The following PSAPL1 variants were observed in gnomAD, a reference collection of about 807,000 sequenced individuals.
PSAPL1 encodes proactivator polypeptide-like 1.
For synonymous variants in PSAPL1, 351 were observed against 291.6 expected (o/e 1.20, Z -2.08); for missense variants, 814 against 688.8 (o/e 1.18, Z -2.03).
At position 7,433,990 on chromosome 4, in the gene PSAPL1, C is replaced by G; in HGVS notation, c.890G>C (p.Cys297Ser). The G allele has an allele frequency of 6.2e-7, 1 of 1,613,736 alleles. No individual in the cohort carries two copies. Among genetic ancestry groups the G allele is most frequent in the Non-Finnish European group, 8.5e-7 (1 of 1,179,806 alleles). ...GTCCAGCTTCTGCACCACGTTCATG[C>G]ACACCTCACAGGTCACACCGGCCTT... is the stretch of plus-strand genomic sequence containing the variant. ...QMKAGVTCEVCMNVVQKLDHW... is the reference protein window; with the variant it reads ...QMKAGVTCEVSMNVVQKLDHW... Residue 297 changes from cysteine (C) to serine (S), a missense_variant, in exon 1 of 1, where the codon TGC (cysteine) becomes TCC (serine). Transcript: ENST00000319098.
At position 7,433,886 on chromosome 4, in the gene PSAPL1, T is replaced by C. The variant is rs1206694606; in HGVS notation, c.994A>G (p.Ile332Val). 1 of 1,613,736 alleles carries C rather than the reference T, an allele frequency of 6.2e-7. No homozygotes were observed. Among genetic ancestry groups the C allele is most frequent in the East Asian group, 2.2e-5 (1 of 44,890 alleles). The stretch of plus-strand genomic sequence containing the variant: ...ACCAAGATGATGCACTCCTTCGTGA[T>C]AGAGGCAGGCATTACCGAGCACACG... ...ERVCSVMPAS[I>V]TKECIILVDT... Residue 332 changes from isoleucine to valine, a missense_variant, in exon 1 of 1, where the codon ATC becomes GTC. Ile to Val is a conservative substitution (Grantham distance 29). Coordinates refer to ENST00000319098, the MANE Select transcript of PSAPL1 (RefSeq NM_001085382.2).
chr4:7,434,912 C>A lies in PSAPL1; in HGVS notation c.-33G>T. 6.7e-7 allele frequency: 1 copy of A among 1,499,936 alleles called. No individual in the cohort carries two copies. The highest frequency in any genetic ancestry group is 2.4e-5 in the Admixed American group (1 of 41,982). 92.9% of individuals were successfully genotyped at this position (1,499,936 alleles called of 1,614,324 possible). On this transcript the variant is annotated 5_prime_UTR_variant, in exon 1 of 1. Transcript: ENST00000319098. ...AGGGACTCTCTGGCTCCAGAGTACC[C>A]AGCAGTGGCTGCTGCTATAAACCTG...
rs1057251961 is a variant in PSAPL1 at position 7,433,488 on chromosome 4, C to A, written c.1392G>T (p.Lys464Asn). 6.3e-7 allele frequency: 1 copy of A among 1,592,366 alleles called. No homozygotes were observed. The highest frequency in any genetic ancestry group is 1.3e-5 in the African/African-American group (1 of 74,526). Residue 464 changes from lysine (K) to asparagine (N), a missense_variant, in exon 1 of 1, where the codon AAG (lysine) becomes AAT (asparagine). Lys to Asn is a moderately conservative substitution (Grantham distance 94, BLOSUM62 0). Transcript: ENST00000319098. ...KDMMDPVAVC[K>N]KVGACHGPRT... is the part of the protein sequence containing the mutation. ...TGGGGCCGTGGCAGGCCCCCACCTT[C>A]TTGCACACAGCCACGGGGTCCATCA...
chr4:7,433,914 C>G lies in PSAPL1; in HGVS notation c.966G>C (p.Glu322Asp). Residue 322 changes from glutamate (E) to aspartate (D), a missense_variant, in exon 1 of 1, where the codon GAG (glutamate) becomes GAC (aspartate). Physicochemically the swap from Glu to Asp is conservative, Grantham distance 45 (BLOSUM62 2). Transcript: ENST00000319098. ...SSELMITHAL[E>D]RVCSVMPASI... ...AGGCAGGCATTACCGAGCACACGCG[C>G]TCCAGGGCATGGGTGATCATGAGCT... The G allele has an allele frequency of 6.2e-7, 1 of 1,613,882 alleles. No individual in the cohort carries two copies. Among genetic ancestry groups the G allele is most frequent in the Non-Finnish European group, 8.5e-7 (1 of 1,179,898 alleles).
rs764001954 is a variant in PSAPL1 at position 7,434,685 on chromosome 4, G to A, written c.195C>T (p.Asp65=). 5.1e-5 allele frequency: 82 copies of A among 1,612,736 alleles called. No individual in the cohort carries two copies. The highest frequency in any genetic ancestry group is 8.4e-5 in the Admixed American group (5 of 59,866). Residue 65 remains aspartate (D), a synonymous_variant, in exon 1 of 1, where the codon GAC becomes GAT. Transcript: ENST00000319098. ...CGGCGGCTGCTATGTCCTGGCATAC[G>A]TCGCAGGGCAGAGACTTCGCGGTGG... The part of the protein sequence containing the change: ...NKPTAKSLPC[D]VCQDIAAAAG...
chr4:7,433,425 G>A lies in PSAPL1; in HGVS notation c.1455C>T (p.Gly485=), dbSNP rs368073106. Residue 485 remains glycine (G), a synonymous_variant, in exon 1 of 1, where the codon GGC becomes GGT. Transcript: ENST00000319098. Reference sequence around the variant, plus strand: ...CCTGGCTCCTGCACCAGAAGCTTGGGCCCAGGGCACACTGGTCGGTGCCCA... The same window carrying A: ...CCTGGCTCCTGCACCAGAAGCTTGGACCCAGGGCACACTGGTCGGTGCCCA... The part of the protein sequence containing the change: ...PLLGTDQCAL[G]PSFWCRSQEA... 22 of 1,520,578 alleles carry A rather than the reference G, an allele frequency of 1.4e-5. No homozygotes were observed. The highest frequency in any genetic ancestry group is 1.8e-5 in the Non-Finnish European group (20 of 1,136,236). 94.2% of individuals were successfully genotyped at this position (1,520,578 alleles called of 1,614,324 possible).
chr4:7,431,922 A>G lies in PSAPL1; in HGVS notation c.*1392T>C, dbSNP rs1019295166. On this transcript the variant is annotated 3_prime_UTR_variant, in exon 1 of 1. Transcript: ENST00000319098. ...TCTTACTCAAGAGGAGAATTAATCCATGGGCCTCAGGTGAAATACCAGCTT... is the reference window on the plus strand; with the variant it reads ...TCTTACTCAAGAGGAGAATTAATCCGTGGGCCTCAGGTGAAATACCAGCTT... The G allele has an allele frequency of 6.6e-6, 1 of 152,196 alleles. No individual in the cohort carries two copies. The highest frequency in any genetic ancestry group is 2.4e-5 in the African/African-American group (1 of 41,424). The allele number at this position is 152,196 out of a possible 1,614,324, so 9.4% of individuals were successfully genotyped here. A position where few individuals can be genotyped will look rare whatever the true frequency, so the allele number is the denominator to read the frequency against.
Position 7,434,375 on chromosome 4 carries a change from C to G in PSAPL1, c.505G>C (p.Gly169Arg). The G allele has an allele frequency of 2.5e-6, 4 of 1,607,622 alleles. No homozygotes were observed. The highest frequency in any genetic ancestry group is 3.4e-6 in the Non-Finnish European group (4 of 1,177,514). The change falls in exon 1 of 1, where the codon GGG (glycine) becomes CGG (arginine). Residue 169 changes from glycine to arginine, a missense_variant. Physicochemically the swap from Gly to Arg is moderately radical, Grantham distance 125. Transcript: ENST00000319098. ...FEAVAPFMAN[G>R]PLTFHPRQAP... ...TGGCGGGGGTGGAAGGTAAGGGGCC[C>G]ATTGGCCATGAACGGAGCCACAGCC...
chr4:7,434,797 T>C lies in PSAPL1; in HGVS notation c.83A>G (p.Lys28Arg). The C allele has an allele frequency of 3.1e-6, 5 of 1,610,264 alleles. No homozygotes were observed. The South Asian group carries it at 4.4e-5, about 14-fold the overall frequency. Residue 28 changes from lysine (K) to arginine (R), a missense_variant, in exon 1 of 1, where the codon AAG (lysine) becomes AGG (arginine). Lys to Arg is a conservative substitution (Grantham distance 26). Coordinates refer to ENST00000319098, the MANE Select transcript of PSAPL1 (RefSeq NM_001085382.2). ...SPTSGPQECA[K>R]GSTVWCQDLQ... is the part of the protein sequence containing the mutation. ...ATCCTGACACCACACCGTGGAGCCC[T>C]TTGCACACTCCTGGGGGCCTGAGGT...
Position 7,434,020 on chromosome 4 carries a change from T to C in PSAPL1, c.860A>G (p.Gln287Arg). ...LGLPRKQSEM[Q>R]MKAGVTCEVC... ...CTCACAGGTCACACCGGCCTTCATC[T>C]GCATCTCGCTCTGTTTCCTTGGCAA... The change falls in exon 1 of 1, where the codon CAG becomes CGG. Residue 287 changes from glutamine (Q) to arginine (R), a missense_variant. Transcript: ENST00000319098. The C allele has an allele frequency of 6.2e-7, 1 of 1,612,150 alleles. No individual in the cohort carries two copies. Among genetic ancestry groups the C allele is most frequent in the Non-Finnish European group, 8.5e-7 (1 of 1,178,522 alleles).
chr4:7,433,391 T>G lies in PSAPL1; in HGVS notation c.1489A>C (p.Lys497Gln). 1 of 1,498,232 alleles carries G rather than the reference T, an allele frequency of 6.7e-7. No individual in the cohort carries two copies. The highest frequency in any genetic ancestry group is 8.9e-7 in the Non-Finnish European group (1 of 1,124,546). 92.8% of individuals were successfully genotyped at this position (1,498,232 alleles called of 1,614,324 possible). Reference protein sequence around the residue: ...SFWCRSQEAAKLCNAVQHCQK... With the variant: ...SFWCRSQEAAQLCNAVQHCQK... ...CAGTGTTGCACAGCGTTGCACAGCT[T>G]GGCGGCCTCCTGGCTCCTGCACCAG... is the stretch of plus-strand genomic sequence containing the variant. The change falls in exon 1 of 1, where the codon AAG becomes CAG. Residue 497 changes from lysine to glutamine, a missense_variant. Physicochemically the swap from Lys to Gln is moderately conservative, Grantham distance 53. Coordinates refer to ENST00000319098, the MANE Select transcript of PSAPL1 (RefSeq NM_001085382.2).
Position 7,434,894 on chromosome 4 carries a change from C to T in PSAPL1, c.-15G>A. On this transcript the variant is annotated 5_prime_UTR_variant, in exon 1 of 1. Transcript: ENST00000319098. Reference sequence around the variant, plus strand: ...GCACACAGCATGCTGCCCAGGGACTCTCTGGCTCCAGAGTACCCAGCAGTG... The same window carrying T: ...GCACACAGCATGCTGCCCAGGGACTTTCTGGCTCCAGAGTACCCAGCAGTG... 6.5e-7 allele frequency: 1 copy of T among 1,535,004 alleles called. No individual in the cohort carries two copies. The highest frequency in any genetic ancestry group is 8.8e-7 in the Non-Finnish European group (1 of 1,141,150).
Position 7,433,912 on chromosome 4 carries a change from C to T in PSAPL1, c.968G>A (p.Arg323His), listed in dbSNP as rs374603425. ...SELMITHALERVCSVMPASIT... is the reference protein window; with the variant it reads ...SELMITHALEHVCSVMPASIT... ...AGAGGCAGGCATTACCGAGCACACG[C>T]GCTCCAGGGCATGGGTGATCATGAG... is the stretch of plus-strand genomic sequence containing the variant. Residue 323 changes from arginine to histidine, a missense_variant, in exon 1 of 1, where the codon CGC (arginine) becomes CAC (histidine). Coordinates refer to ENST00000319098, the MANE Select transcript of PSAPL1 (RefSeq NM_001085382.2). The T allele has an allele frequency of 1.4e-5, 23 of 1,613,716 alleles. No homozygotes were observed. The highest frequency in any genetic ancestry group is 1.1e-4 in the African/African-American group (8 of 74,924).
Position 7,432,686 on chromosome 4 carries a change from G to T in PSAPL1, c.*628C>A, listed in dbSNP as rs557121211. 294 of 143,510 alleles carry T rather than the reference G, an allele frequency of 2.0e-3. 1 individual carries two copies. Among genetic ancestry groups the T allele is most frequent in the Middle Eastern group, 7.2e-3 (2 of 276 alleles). 8.9% of individuals were successfully genotyped at this position (143,510 alleles called of 1,614,324 possible). On this transcript the variant is annotated 3_prime_UTR_variant, in exon 1 of 1. Coordinates refer to ENST00000319098, the MANE Select transcript of PSAPL1 (RefSeq NM_001085382.2). ...AGGGACCCTGTAGTGGCTGAGACAT[G>T]GGGGGGGACTGCTCCGAAGCCCAGC... is the stretch of plus-strand genomic sequence containing the variant.
chr4:7,433,852 T>C lies in PSAPL1; in HGVS notation c.1028A>G (p.Tyr343Cys). The change falls in exon 1 of 1, where the codon TAC (tyrosine) becomes TGC (cysteine). Residue 343 changes from tyrosine (Y) to cysteine (C), a missense_variant. Coordinates refer to ENST00000319098, the MANE Select transcript of PSAPL1 (RefSeq NM_001085382.2). ...TKECIILVDT[Y>C]SPSLVQLVAK... ...CACAAGCTGCACCAAGGAGGGGCTG[T>C]AGGTGTCCACCAAGATGATGCACTC... 1.9e-6 allele frequency: 3 copies of C among 1,613,882 alleles called. No homozygotes were observed. Among genetic ancestry groups the C allele is most frequent in the Non-Finnish European group, 2.5e-6 (3 of 1,179,894 alleles).
chr4:7,433,549 T>C lies in PSAPL1; in HGVS notation c.1331A>G (p.Gln444Arg). ...YMIQCKHFVT[Q>R]YEPVLIESLK... is the part of the protein sequence containing the mutation. ...ACTCTCAATGAGCACGGGCTCGTAC[T>C]GGGTGACGAAGTGCTTGCACTGGAT... Residue 444 changes from glutamine to arginine, a missense_variant, in exon 1 of 1, where the codon CAG (glutamine) becomes CGG (arginine). Physicochemically the swap from Gln to Arg is conservative, Grantham distance 43 (BLOSUM62 1). Coordinates refer to ENST00000319098, the MANE Select transcript of PSAPL1 (RefSeq NM_001085382.2). 3 of 1,610,990 alleles carry C rather than the reference T, an allele frequency of 1.9e-6. No individual in the cohort carries two copies. Among genetic ancestry groups the C allele is most frequent in the Non-Finnish European group, 2.5e-6 (3 of 1,179,032 alleles).
At position 7,434,890 on chromosome 4, in the gene PSAPL1, G is replaced by T. The variant is rs373610799; in HGVS notation, c.-11C>A. The T allele has an allele frequency of 2.0e-4, 306 of 1,540,728 alleles. 1 individual carries two copies. In the African/African-American group the frequency reaches 3.6e-3, roughly 18 times the overall value. On this transcript the variant is annotated 5_prime_UTR_variant, in exon 1 of 1. Coordinates refer to ENST00000319098, the MANE Select transcript of PSAPL1 (RefSeq NM_001085382.2). ...CAGGGCACACAGCATGCTGCCCAGG[G>T]ACTCTCTGGCTCCAGAGTACCCAGC...
Position 7,433,820 on chromosome 4 carries a change from T to A in PSAPL1, c.1060A>T (p.Ile354Phe), listed in dbSNP as rs371055002. ...SPSLVQLVAK[I>F]TPEKVCKFIR... is the part of the protein sequence containing the mutation. ...AACTTGCACACCTTCTCTGGGGTGA[T>A]TTTGGCCACAAGCTGCACCAAGGAG... Residue 354 changes from isoleucine (I) to phenylalanine (F), a missense_variant, in exon 1 of 1, where the codon ATC (isoleucine) becomes TTC (phenylalanine). Physicochemically the swap from Ile to Phe is conservative, Grantham distance 21. Coordinates refer to ENST00000319098, the MANE Select transcript of PSAPL1 (RefSeq NM_001085382.2). 1 of 1,613,656 alleles carries A rather than the reference T, an allele frequency of 6.2e-7. No homozygotes were observed. Among genetic ancestry groups the A allele is most frequent in the African/African-American group, 1.3e-5 (1 of 75,030 alleles).
At position 7,434,480 on chromosome 4, in the gene PSAPL1, A is replaced by G; in HGVS notation, c.400T>C (p.Cys134Arg). ...GAPDSAPAQVCTALSLCEPLQ... is the reference protein window; with the variant it reads ...GAPDSAPAQVRTALSLCEPLQ... ...GGCTCACAGAGGCTGAGCGCTGTGC[A>G]CACCTGTGCCGGGGCACTGTCCGGG... The change falls in exon 1 of 1, where the codon TGC becomes CGC. Residue 134 changes from cysteine to arginine, a missense_variant. Transcript: ENST00000319098. The G allele has an allele frequency of 6.2e-7, 1 of 1,611,846 alleles. No homozygotes were observed. Among genetic ancestry groups the G allele is most frequent in the Non-Finnish European group, 8.5e-7 (1 of 1,179,634 alleles).
Sources: allele counts gnomAD v4.1 joint callset, GRCh38; gene constraint gnomAD v4.1.1; transcripts MANE v1.5; gene names NCBI Gene and HGNC (gene_info 2026-07-23, HGNC 2026-07-21).